NFIA: variants seen among roughly 807,000 people sequenced by gnomAD.
NFIA encodes nuclear factor I A, also known as nuclear factor 1 A-type.
Under a neutral mutation model 62.8 loss-of-function variants are expected in NFIA, and 8 were observed. That is an observed-to-expected ratio of 0.13 (90% CI 0.07 to 0.23). The LOEUF is 0.23. NFIA is among the 10% of genes least tolerant of loss of function. The probability of loss-of-function intolerance (pLI) is 1.00; values close to 1 mark genes in which losing one functional copy is unlikely to be tolerated. For synonymous variants in NFIA, 235 were observed against 238.1 expected (o/e 0.99, Z 0.12); for missense variants, 410 against 642.1 (o/e 0.64, Z 3.91).
chr1:61,101,246 T>G (rs546896134), intron 2 of NFIA, among the ~76,000 whole-genome samples: 1 of 151,900 alleles, frequency 6.6e-6, no homozygotes, highest in Non-Finnish European at 1.5e-5. Flanking sequence ...AAATACAAAA[T>G]TAGCCGGGTG....
At chr1:61,163,514 A>T (rs1649358600) in intron 2 of NFIA, among the ~76,000 whole-genome samples, 1 of 152,138 alleles carries the variant, frequency 6.6e-6, no homozygotes, top group South Asian at 2.1e-4. Context: ...AGTTCCAGTA[A>T]ATAGTAGCTA....
chr1:61,448,434 G>C (rs1557447254), intron 10 of NFIA, among the ~76,000 whole-genome samples: 1 of 152,196 alleles, frequency 6.6e-6, no homozygotes, highest in Non-Finnish European at 1.5e-5. Flanking sequence ...CTTTCCTGGG[G>C]ACGTTGGGTC....
At chr1:61,130,718 A>G (rs1647058409) in intron 2 of NFIA, among the ~76,000 whole-genome samples, 1 of 152,162 alleles carries the variant, frequency 6.6e-6, no homozygotes, top group Admixed American at 6.5e-5. Flanking sequence ...GGTTCCACAT[A>G]CACTTCAGTG....
chr1:61,121,429 A>T (rs1646885430), intron 2 of NFIA, among the ~76,000 whole-genome samples: 1 of 152,196 alleles, frequency 6.6e-6, no homozygotes, highest in South Asian at 2.1e-4. Flanking sequence ...GTGCACAGGA[A>T]ATCAGAAATG....
intron 10 of NFIA, among the ~76,000 whole-genome samples, chr1:61,432,089 C>T (rs1162363576): frequency 6.6e-6 from 1 of 152,070 alleles, no homozygotes; most frequent in Non-Finnish European, 1.5e-5. Context: ...GTCTAAGAGG[C>T]TTTAAGACAA....
intron 2 of NFIA, among the ~76,000 whole-genome samples, chr1:61,094,418 C>G (rs1468923018): frequency 1.3e-5 from 2 of 152,132 alleles, no homozygotes; most frequent in African/African-American, 2.4e-5. Context: ...AATTTGTCTT[C>G]CCACAATTTT....
chr1:61,450,782 C>T (rs1278818786), intron 10 of NFIA, among the ~76,000 whole-genome samples: 1 of 152,186 alleles, frequency 6.6e-6, no homozygotes, highest in East Asian at 1.9e-4. Context: ...TGCTGCATCA[C>T]AGTCCACTCT....
chr1:61,264,802 A>C (rs534611160), intron 2 of NFIA, among the ~76,000 whole-genome samples: 1 of 152,268 alleles, frequency 6.6e-6, no homozygotes, highest in African/African-American at 2.4e-5. Context: ...GAGTTACTGA[A>C]ATGGAAAATA....
chr1:61,442,674 A>G lies in NFIA; in HGVS notation c.1513-12629A>G, dbSNP rs142622990. ...TGGAAAATGAACCAAAGTTTGATAG[A>G]TATTTATGAAAAAGAAAGAAGAAAA... On this transcript the variant is annotated intron_variant, in intron 10 of 10. Coordinates refer to ENST00000403491, the MANE Select transcript of NFIA (RefSeq NM_001134673.4). Among the ~76,000 whole-genome samples the G allele has an allele frequency of 1.3e-3, 199 of 152,342 alleles. 1 individual carries two copies. Among genetic ancestry groups the G allele is most frequent in the South Asian group, 3.3e-3 (16 of 4,828 alleles).
At chr1:61,419,341 C>T (rs534765892) in intron 9 of NFIA, among the ~76,000 whole-genome samples, 3 of 151,958 alleles carry the variant, frequency 2.0e-5, no homozygotes, top group Admixed American at 1.3e-4. Flanking sequence ...TCCTAACTAC[C>T]GGAAAAGCTG....
chr1:61,344,532 C>T (rs147982101), intron 4 of NFIA, among the ~76,000 whole-genome samples: 3 of 152,294 alleles, frequency 2.0e-5, no homozygotes, highest in East Asian at 1.9e-4. Flanking sequence ...TCATATTCCT[C>T]GGTGGCCATA....
chr1:61,315,348 G>A (rs1437537904), intron 3 of NFIA, among the ~76,000 whole-genome samples: 1 of 152,136 alleles, frequency 6.6e-6, no homozygotes, highest in Non-Finnish European at 1.5e-5. Flanking sequence ...GTGGGTTTTC[G>A]AGGGAGTAAA....
chr1:61,377,223 A>AAT (rs373017052), intron 6 of NFIA, among the ~76,000 whole-genome samples: 2 of 53,360 alleles, frequency 3.7e-5, no homozygotes, highest in East Asian at 6.5e-4. Flanking sequence ...ACTCCATCTC[A>AAT]AAAAAAAGAA....
intron 4 of NFIA, among the ~76,000 whole-genome samples, chr1:61,343,180 A>G (rs1349809151): frequency 6.6e-6 from 1 of 152,212 alleles, no homozygotes; most frequent in African/African-American, 2.4e-5. Flanking sequence ...CAGGGTATAT[A>G]TTTAAGTTTC....
intron 7 of NFIA, among the ~76,000 whole-genome samples, chr1:61,400,706 C>T (rs1011610075): frequency 6.6e-6 from 1 of 152,172 alleles, no homozygotes; most frequent in Admixed American, 6.5e-5. Flanking sequence ...TACCATTCTT[C>T]GTGCATTCCA....
chr1:61,120,219 G>C (rs1419159389), intron 2 of NFIA, among the ~76,000 whole-genome samples: 1 of 152,162 alleles, frequency 6.6e-6, no homozygotes, highest in Non-Finnish European at 1.5e-5. Flanking sequence ...TAATTGTAGA[G>C]TTTTACATAG....
Position 61,195,282 on chromosome 1 carries a change from G to A in NFIA, c.560-82238G>A, listed in dbSNP as rs568249137. On this transcript the variant is annotated intron_variant, in intron 2 of 10. Coordinates refer to ENST00000403491, the MANE Select transcript of NFIA (RefSeq NM_001134673.4). ...AACTGCTGTGATGACAGGGTCTTAC[G>A]GCATCATGAATGTGTTCCCCTATTA... Among the ~76,000 whole-genome samples the A allele has an allele frequency of 9.2e-5, 14 of 152,136 alleles. 1 individual carries two copies. In the South Asian group the frequency reaches 2.5e-3, roughly 27 times the overall value.
At chr1:61,330,729 G>C (rs1352942793) in intron 3 of NFIA, among the ~76,000 whole-genome samples, 1 of 152,152 alleles carries the variant, frequency 6.6e-6, no homozygotes, top group Non-Finnish European at 1.5e-5. Context: ...TCCTTAAAAT[G>C]AGGAATTTCA....
chr1:61,378,323 T>C (rs1410864238), intron 6 of NFIA, among the ~76,000 whole-genome samples: 1 of 152,236 alleles, frequency 6.6e-6, no homozygotes, highest in Non-Finnish European at 1.5e-5. Context: ...GTAGAAATTT[T>C]CAAAAGTATT....
Sources: gnomAD v4.1 joint callset for allele counts (sites outside exome capture counted in the v4.1 genomes callset) on GRCh38, gnomAD v4.1.1 for gene constraint, MANE v1.5 for transcripts, NCBI Gene and HGNC (gene_info 2026-07-23, HGNC 2026-07-21) for gene names.